Variants in UGT3A1 observed in about 807,000 individuals in gnomAD.
UGT3A1 encodes UDP-glycosyltransferase 3A1.
Under a neutral mutation model 37.6 loss-of-function variants are expected in UGT3A1, and 40 were observed. That is an observed-to-expected ratio of 1.06 (90% CI 0.83 to 1.38). The LOEUF is 1.38. Among genes scored for constraint, UGT3A1 ranks in the 40% most tolerant of loss-of-function variants. The pLI is 0.00. For synonymous variants in UGT3A1, 256 were observed against 232.3 expected (o/e 1.10, Z -0.93); for missense variants, 642 against 634.2 (o/e 1.01, Z -0.13).
At chr5:35,978,855 G>A (rs1740406070) in intron 2 of UGT3A1, among the ~76,000 whole-genome samples, 1 of 152,204 alleles carries the variant, frequency 6.6e-6, no homozygotes, top group South Asian at 2.1e-4. Context: ...AAAATCAAAA[G>A]CAAGTTAGTT....
At position 35,991,246 on chromosome 5, in the gene UGT3A1, C is replaced by T. The variant is rs1740940828; in HGVS notation, c.-6G>A. On this transcript the variant is annotated 5_prime_UTR_variant, in exon 1 of 7. In the 5' UTR this introduces an upstream ATG that the reference lacks. Coordinates refer to ENST00000274278, the MANE Select transcript of UGT3A1 (RefSeq NM_152404.4). ...AGCACCCGCTGCCCAACCATGCTCA[C>T]TTCCACAGAAGCAGCGGATCTCAGC... 4 of 1,614,216 alleles carry T rather than the reference C, an allele frequency of 2.5e-6. No homozygotes were observed. In the South Asian group the frequency reaches 3.3e-5, roughly 13 times the overall value.
chr5:35,973,629 A>C (rs1374013), intron 2 of UGT3A1, among the ~76,000 whole-genome samples: 78,242 of 151,906 alleles, frequency 0.52, 22,837 homozygotes, highest in Non-Finnish European at 0.66. Flanking sequence ...GGAAACAGAA[A>C]AAGAGGACAC....
Position 35,957,392 on chromosome 5 carries a change from C to T in UGT3A1, c.871G>A (p.Gly291Arg), listed in dbSNP as rs577395659. The change falls in exon 5 of 7, where the codon GGG (glycine) becomes AGG (arginine). Residue 291 changes from glycine to arginine, a missense_variant. By Grantham distance (125) the Gly-to-Arg change is moderately radical. Coordinates refer to ENST00000274278, the MANE Select transcript of UGT3A1 (RefSeq NM_152404.4). ...QDLDNFIANFGDAGFVLVAFG... is the reference protein window; with the variant it reads ...QDLDNFIANFRDAGFVLVAFG... The stretch of plus-strand genomic sequence containing the variant: ...GCCACAAGGACAAACCCTGCATCCC[C>T]AAAGTTGGCAATGAAGTTGTCCAAG... The T allele has an allele frequency of 1.9e-6, 3 of 1,614,048 alleles. No homozygotes were observed. The highest frequency in any genetic ancestry group is 2.2e-5 in the South Asian group (2 of 91,044).
rs769660215 is a variant in UGT3A1 at position 35,991,055 on chromosome 5, G to A, written c.94+92C>T. The A allele has an allele frequency of 1.9e-6, 3 of 1,612,922 alleles. No individual in the cohort carries two copies. In the African/African-American group the frequency reaches 4.0e-5, roughly 22 times the overall value. On this transcript the variant is annotated intron_variant, in intron 1 of 6. Transcript: ENST00000274278. ...GCAAGCCCAGCCTGGAAAATCGCCT[G>A]GATAACTCTGATCAATCGCCGTTCG...
intron 4 of UGT3A1, among the ~76,000 whole-genome samples, chr5:35,960,515 G>A (rs982914244): frequency 6.6e-5 from 10 of 152,210 alleles, no homozygotes; most frequent in African/African-American, 2.4e-4. Flanking sequence ...ACAGAAGGGG[G>A]AGCATGCAGA....
chr5:36,000,562 T>G (rs1331129520), intron 1 of UGT3A1, among the ~76,000 whole-genome samples: 1 of 152,146 alleles, frequency 6.6e-6, no homozygotes, highest in African/African-American at 2.4e-5. Context: ...ACCTCCTGAG[T>G]GGACTGTAAC....
At position 35,954,160 on chromosome 5, in the gene UGT3A1, G is replaced by A. The variant is rs759178683; in HGVS notation, c.*42C>T. On this transcript the variant is annotated 3_prime_UTR_variant, in exon 7 of 7. Coordinates refer to ENST00000274278, the MANE Select transcript of UGT3A1 (RefSeq NM_152404.4). ...TGCTGGGGTGGGGAGAACCTTCAAA[G>A]GACCAGGGATGCCCTCCCCTCACCC... is the stretch of plus-strand genomic sequence containing the variant. The A allele has an allele frequency of 2.5e-6, 4 of 1,591,906 alleles. No homozygotes were observed. The African/African-American group carries it at 4.0e-5, about 16-fold the overall frequency.
rs999307842 is a variant in UGT3A1 at position 35,954,216 on chromosome 5, C to G, written c.1558G>C (p.Val520Leu). 3.7e-6 allele frequency: 6 copies of G among 1,614,020 alleles called. No individual in the cohort carries two copies. Among genetic ancestry groups the G allele is most frequent in the Non-Finnish European group, 4.2e-6 (5 of 1,179,938 alleles). Residue 520 changes from valine (V) to leucine (L), a missense_variant, in exon 7 of 7, where the codon GTG (valine) becomes CTG (leucine). Physicochemically the swap from Val to Leu is conservative, Grantham distance 32. Coordinates refer to ENST00000274278, the MANE Select transcript of UGT3A1 (RefSeq NM_152404.4). Reference protein sequence around the residue: ...VARWLRGARKVKKT With the variant: ...VARWLRGARKLKKT ...TACACCTAGCCTCATGTCTTCTTCA[C>G]CTTCCTGGCCCCACGCAGCCACCTG...
intron 6 of UGT3A1, chr5:35,954,702 A>G: frequency 1.7e-6 from 1 of 576,732 alleles, no homozygotes; most frequent in Non-Finnish European, 3.1e-6. Flanking sequence ...GATTAATTCT[A>G]AAAGTGTTAA....
chr5:35,990,870 A>C (rs112050959), intron 1 of UGT3A1: 1 of 1,238,718 alleles, frequency 8.1e-7, no homozygotes, highest in African/African-American at 1.5e-5. Flanking sequence ...CCTGGTCTCA[A>C]ATTTCTGGCC....
chr5:35,994,244 G>C (rs1027486897), upstream of UGT3A1, among the ~76,000 whole-genome samples: 1 of 151,918 alleles, frequency 6.6e-6, no homozygotes. Flanking sequence ...CTTACACTTA[G>C]AGCACTCAGA....
intron 6 of UGT3A1, 106 bp from the exon 7 acceptor site, chr5:35,954,584 C>T: frequency 7.2e-7 from 1 of 1,388,418 alleles, no homozygotes; most frequent in Non-Finnish European, 9.8e-7. Context: ...TTTTCTAACA[C>T]ATGCACCAAG....
intron 4 of UGT3A1, among the ~76,000 whole-genome samples, chr5:35,958,614 C>T (rs548695984): frequency 6.6e-6 from 1 of 152,350 alleles, no homozygotes; most frequent in South Asian, 2.1e-4. Context: ...TGGAGACTGA[C>T]TCAAATGACT....
rs761118478 is a variant in UGT3A1, at chr5:35,965,789, A to T, written c.440T>A (p.Phe147Tyr). 6.2e-7 allele frequency: 1 copy of T among 1,614,232 alleles called. No individual in the cohort carries two copies. Among genetic ancestry groups the T allele is most frequent in the South Asian group, 1.1e-5 (1 of 91,088 alleles). ...ENYDLVFVEA[F>Y]DFCSFLIAEK... ...AGCAATCAGGAAAGAACAGAAATCA[A>T]ATGCTTCAACAAATACCAGATCATA... The change falls in exon 4 of 7, where the codon TTT (phenylalanine) becomes TAT (tyrosine). Residue 147 changes from phenylalanine (F) to tyrosine (Y), a missense_variant. Transcript: ENST00000274278.
rs1279409740 is a variant in UGT3A1 at position 35,968,392 on chromosome 5, C to T, written c.197-259G>A. Among the ~76,000 whole-genome samples the T allele has an allele frequency of 2.0e-5, 3 of 152,188 alleles. No homozygotes were observed. The East Asian group carries it at 5.8e-4, about 29-fold the overall frequency. ...CACTTAAAGCTTTCATTTAAAGGAACAGCTATTACACTTATTTTATAGATG... is the reference window on the plus strand; with the variant it reads ...CACTTAAAGCTTTCATTTAAAGGAATAGCTATTACACTTATTTTATAGATG... On this transcript the variant is annotated intron_variant, in intron 2 of 6. Transcript: ENST00000274278.
intron 2 of UGT3A1, among the ~76,000 whole-genome samples, chr5:35,969,844 G>A (rs576360174): frequency 2.4e-4 from 37 of 152,032 alleles, no homozygotes; most frequent in East Asian, 9.7e-4. Context: ...TAATATAGAC[G>A]GCAAATATAT....
In UGT3A1 at chr5:35,957,372, A is replaced by G; in HGVS notation, c.891T>C (p.Leu297=). 5 of 1,614,214 alleles carry G rather than the reference A, an allele frequency of 3.1e-6. No individual in the cohort carries two copies. Among genetic ancestry groups the G allele is most frequent in the Non-Finnish European group, 4.2e-6 (5 of 1,180,030 alleles). The part of the protein sequence containing the change: ...IANFGDAGFV[L]VAFGSMLNTH... ...TGTTCAACATGGAGCCAAAGGCCAC[A>G]AGGACAAACCCTGCATCCCCAAAGT... Residue 297 remains leucine (L), a synonymous_variant, in exon 5 of 7, where the codon CTT becomes CTC. Coordinates refer to ENST00000274278, the MANE Select transcript of UGT3A1 (RefSeq NM_152404.4).
At position 35,951,106 on chromosome 5, in the gene UGT3A1, G is replaced by C. The variant is rs1341364505; in HGVS notation, c.*3096C>G. 6.6e-6 allele frequency: 1 copy of C among 151,792 alleles called. No homozygotes were observed. The highest frequency in any genetic ancestry group is 1.5e-5 in the Non-Finnish European group (1 of 67,946). 9.4% of individuals were successfully genotyped at this position (151,792 alleles called of 1,614,324 possible). The stretch of plus-strand genomic sequence containing the variant: ...AATGATGCTAATTTTTTTCACTACA[G>C]TATAGTTACATTTTCATTTGGAAAA... On this transcript the variant is annotated 3_prime_UTR_variant, in exon 7 of 7. Coordinates refer to ENST00000274278, the MANE Select transcript of UGT3A1 (RefSeq NM_152404.4).
At position 35,951,761 on chromosome 5, in the gene UGT3A1, T is replaced by C. The variant is rs926830359; in HGVS notation, c.*2441A>G. The C allele has an allele frequency of 6.6e-6, 1 of 152,208 alleles. No homozygotes were observed. The highest frequency in any genetic ancestry group is 2.4e-5 in the African/African-American group (1 of 41,462). The allele number at this position is 152,208 out of a possible 1,614,324, so 9.4% of individuals were successfully genotyped here. A position where few individuals can be genotyped will look rare whatever the true frequency, so the allele number is the denominator to read the frequency against. The stretch of plus-strand genomic sequence containing the variant: ...TTTTTCTTCCTATTTAGAAAGTCTC[T>C]CCCTATACACAGGCTATGGAAAAAT... On this transcript the variant is annotated 3_prime_UTR_variant, in exon 7 of 7. Transcript: ENST00000274278.
Sources: gnomAD v4.1 joint callset for allele counts (sites outside exome capture counted in the v4.1 genomes callset) on GRCh38, gnomAD v4.1.1 for gene constraint, MANE v1.5 for transcripts, NCBI Gene and HGNC (gene_info 2026-07-23, HGNC 2026-07-21) for gene names.